NTM: variants seen among roughly 807,000 people sequenced by gnomAD.
NTM encodes the protein neurotrimin.
A neutral mutation model predicts 42.1 loss-of-function variants in NTM; 13 were observed. The observed-to-expected ratio is 0.31, with a 90% confidence interval of 0.20 to 0.49. The LOEUF is 0.49. Among genes scored for constraint, NTM ranks in the 20% least tolerant of loss-of-function variants. The pLI, the probability that NTM is intolerant of heterozygous loss-of-function variation, is 0.99. For missense variants in NTM, 373 were observed against 452.8 expected, an observed-to-expected ratio of 0.82 and a Z score of 1.60; for synonymous variants, 187 against 179.2, an observed-to-expected ratio of 1.04 and a Z score of -0.35.
At chr11:131,632,160 G>A (rs2063720844) in intron 1 of NTM, among the ~76,000 whole-genome samples, 1 of 152,154 alleles carries the variant, frequency 6.6e-6, no homozygotes, top group Non-Finnish European at 1.5e-5. Flanking sequence ...ATTTGGTGCT[G>A]AAGCTCTTTG....
At chr11:131,544,613 C>G (rs1200519820) in intron 1 of NTM, among the ~76,000 whole-genome samples, 2 of 152,174 alleles carry the variant, frequency 1.3e-5, no homozygotes, top group Admixed American at 6.5e-5. Flanking sequence ...ACTAGGATAT[C>G]TCATCTTGGA....
At chr11:132,014,905 A>G (rs1440501329) in intron 2 of NTM, among the ~76,000 whole-genome samples, 1 of 151,452 alleles carries the variant, frequency 6.6e-6, no homozygotes, top group Admixed American at 6.6e-5. Flanking sequence ...ATATGGTCCC[A>G]TTTGTCTATT....
chr11:131,621,994 A>T (rs2062619643), intron 1 of NTM, among the ~76,000 whole-genome samples: 1 of 152,094 alleles, frequency 6.6e-6, no homozygotes, highest in South Asian at 2.1e-4. Flanking sequence ...CTCCTTTGGG[A>T]AAGTACATGA....
At chr11:131,768,104 A>G (rs931495329) in intron 1 of NTM, among the ~76,000 whole-genome samples, 1 of 147,326 alleles carries the variant, frequency 6.8e-6, no homozygotes, top group African/African-American at 2.5e-5. Flanking sequence ...TCATCCATTG[A>G]ACACTTGCAA....
intron 1 of NTM, among the ~76,000 whole-genome samples, chr11:131,623,377 A>G (rs11600229): frequency 0.096 from 14,673 of 152,284 alleles, 1,227 homozygotes; most frequent in African/African-American, 0.23. Flanking sequence ...CAAATATGAG[A>G]TATCATTAGA....
At chr11:131,578,809 A>T (rs1442279919) in intron 1 of NTM, among the ~76,000 whole-genome samples, 2 of 152,100 alleles carry the variant, frequency 1.3e-5, no homozygotes, top group Non-Finnish European at 2.9e-5. Flanking sequence ...ACAGTTTTTC[A>T]CTAAGTACAC....
chr11:131,785,427 C>T (rs1338544485), intron 1 of NTM, among the ~76,000 whole-genome samples: 2 of 152,150 alleles, frequency 1.3e-5, no homozygotes, highest in Admixed American at 6.5e-5. Context: ...TTCTAAATGT[C>T]CGAGAAAGCT....
At chr11:131,614,023 G>C (rs2061685333) in intron 1 of NTM, among the ~76,000 whole-genome samples, 2 of 152,208 alleles carry the variant, frequency 1.3e-5, no homozygotes, top group South Asian at 2.1e-4. Context: ...AAATAGTGGT[G>C]TCATAGAAGG....
chr11:131,842,906 G>C (rs570490300), intron 1 of NTM, among the ~76,000 whole-genome samples: 15 of 152,162 alleles, frequency 9.9e-5, no homozygotes, highest in African/African-American at 3.4e-4. Context: ...AGCTACTCAG[G>C]AGACTGAAGC....
In NTM at chr11:131,555,249, C is replaced by T. The variant is rs141845705; in HGVS notation, c.82+184361C>T. On this transcript the variant is annotated intron_variant, in intron 1 of 8. Coordinates refer to ENST00000683400, the MANE Select transcript of NTM (RefSeq NM_001352005.2). ...ATCCTAAACATAACATAAATGCAAA[C>T]GTTGTTCTCAATCTGTGGCAAGATA... 6.6e-4 allele frequency among the ~76,000 whole-genome samples: 100 copies of T among 152,268 alleles called. 1 individual carries two copies. Among genetic ancestry groups the T allele is most frequent in the Admixed American group, 1.3e-3 (20 of 15,308 alleles).
At position 131,420,400 on chromosome 11, in the gene NTM, C is replaced by T. The variant is rs192417421; in HGVS notation, c.82+49512C>T. ...TAGAACCTGCAGGTAGAACCAGCTC[C>T]GCAGCACCTTGACCTTAGCCTAGGA... On this transcript the variant is annotated intron_variant, in intron 1 of 8. Transcript: ENST00000683400. Among the ~76,000 whole-genome samples, 557 of 152,294 alleles carry T rather than the reference C, an allele frequency of 3.7e-3. 2 individuals carry two copies. The highest frequency in any genetic ancestry group is 6.1e-3 in the Non-Finnish European group (417 of 68,020).
At chr11:131,815,182 C>A (rs896419274) in intron 1 of NTM, among the ~76,000 whole-genome samples, 5 of 152,162 alleles carry the variant, frequency 3.3e-5, no homozygotes, top group Admixed American at 1.3e-4. Context: ...CATCCCCTTG[C>A]GGCCTATGGC....
At chr11:131,447,772 A>G (rs1341985405) in intron 1 of NTM, among the ~76,000 whole-genome samples, 1 of 152,112 alleles carries the variant, frequency 6.6e-6, no homozygotes, top group East Asian at 1.9e-4. Flanking sequence ...GGGAGAGAAG[A>G]GGGGAGACAG....
In NTM at chr11:131,789,637, A is replaced by AAGAAGAAG. The variant is rs2090489838; in HGVS notation, c.83-121925_83-121918dup. Reference sequence around the variant, plus strand: ...AGAAGAAGAAGAAGAAGAAGAAGAAAAGAAGAAGAAGAAGAAGAAGAAGAA... The same window carrying AAGAAGAAG: ...AGAAGAAGAAGAAGAAGAAGAAGAAAAGAAGAAGAGAAGAAGAAGAAGAAGAAGAAGAA... On this transcript the variant is annotated intron_variant, in intron 1 of 8. Transcript: ENST00000683400. Among the ~76,000 whole-genome samples, 3 of 24,396 alleles carry AAGAAGAAG rather than the reference A, an allele frequency of 1.2e-4. 1 individual carries two copies. The highest frequency in any genetic ancestry group is 4.2e-4 in the African/African-American group (3 of 7,174). The allele number at this position is 24,396 out of a possible 152,430, so 16.0% of individuals were successfully genotyped here. A position where few individuals can be genotyped will look rare whatever the true frequency, so the allele number is the denominator to read the frequency against.
At chr11:132,265,286 A>G (rs1201845094) in intron 4 of NTM, among the ~76,000 whole-genome samples, 1 of 152,226 alleles carries the variant, frequency 6.6e-6, no homozygotes, top group Non-Finnish European at 1.5e-5. Flanking sequence ...TAAAAACTGG[A>G]ACAGCTTCTG....
At chr11:132,108,647 C>T (rs377425142) in intron 2 of NTM, among the ~76,000 whole-genome samples, 2 of 151,928 alleles carry the variant, frequency 1.3e-5, no homozygotes, top group East Asian at 1.9e-4. Context: ...TCCATGAAAC[C>T]GAATGTCACC....
rs534717770 is a variant in NTM at position 131,815,205 on chromosome 11, C to T, written c.83-96359C>T. The stretch of plus-strand genomic sequence containing the variant: ...TGCGGCCTATGGCTGTTCTTCTGCC[C>T]CCGCCTTCTCCCACCTCACCTTTCT... On this transcript the variant is annotated intron_variant, in intron 1 of 8. Coordinates refer to ENST00000683400, the MANE Select transcript of NTM (RefSeq NM_001352005.2). Among the ~76,000 whole-genome samples, 3 of 152,294 alleles carry T rather than the reference C, an allele frequency of 2.0e-5. No homozygotes were observed. The East Asian group carries it at 5.8e-4, about 29-fold the overall frequency.
At chr11:131,645,767 C>T (rs2065699342) in intron 1 of NTM, among the ~76,000 whole-genome samples, 1 of 152,088 alleles carries the variant, frequency 6.6e-6, no homozygotes, top group Non-Finnish European at 1.5e-5. Context: ...TTCTGCCTTT[C>T]ATACTTCTTT....
At chr11:132,163,506 C>T (rs1048291447) in intron 3 of NTM, among the ~76,000 whole-genome samples, 1 of 152,226 alleles carries the variant, frequency 6.6e-6, no homozygotes, top group Non-Finnish European at 1.5e-5. Flanking sequence ...AATGTTCAAA[C>T]AGCCCTGTGC....
Sources: allele counts gnomAD v4.1 joint callset (sites outside exome capture counted in the v4.1 genomes callset), GRCh38; gene constraint gnomAD v4.1.1; transcripts MANE v1.5; gene names NCBI Gene and HGNC (gene_info 2026-07-23, HGNC 2026-07-21).